Variants in KDM1B observed in about 807,000 individuals in gnomAD.
KDM1B encodes lysine-specific histone demethylase 2.
In KDM1B, 63 loss-of-function variants were observed where a neutral mutation model predicts 107.4. The observed-to-expected ratio is 0.59, with a 90% confidence interval of 0.48 to 0.72. The LOEUF is 0.72. KDM1B is among the 30% of genes least tolerant of loss of function. The pLI is 0.00. For synonymous variants in KDM1B, 363 were observed against 363.9 expected (o/e 1.00, Z 0.03); for missense variants, 749 against 1,020.8 (o/e 0.73, Z 3.63).
intron 7 of KDM1B, among the ~76,000 whole-genome samples, chr6:18,181,438 A>T (rs1786467521): frequency 6.6e-6 from 1 of 152,118 alleles, no homozygotes; most frequent in Non-Finnish European, 1.5e-5. Context: ...GTTTCTAAAA[A>T]CTCTCTAAAA....
intron 6 of KDM1B, 60 bp from the exon 7 acceptor site, chr6:18,171,303 T>C (rs1785648744): frequency 3.5e-6 from 3 of 866,648 alleles, no homozygotes; most frequent in Non-Finnish European, 6.0e-6. Context: ...TGGTGGAGGA[T>C]AGAAATGGTA....
In KDM1B at chr6:18,200,834, A is replaced by G. The variant is rs1380148438; in HGVS notation, c.1359+258A>G. On this transcript the variant is annotated intron_variant, in intron 13 of 21. Coordinates refer to ENST00000650836, the MANE Select transcript of KDM1B (RefSeq NM_001364614.2). The surrounding 1 kb of genome is among the most constrained non-coding windows in gnomAD (Gnocchi z 4.3). ...GGCCACTTGGTTATCTCATAATTTT[A>G]GAGTTGCCAGATTTAGCATATAAAA... Among the ~76,000 whole-genome samples, 1 of 152,146 alleles carries G rather than the reference A, an allele frequency of 6.6e-6. No homozygotes were observed. The highest frequency in any genetic ancestry group is 1.5e-5 in the Non-Finnish European group (1 of 68,026).
At chr6:18,169,920 A>C (rs941429916) in intron 6 of KDM1B, among the ~76,000 whole-genome samples, 2 of 151,696 alleles carry the variant, frequency 1.3e-5, no homozygotes, top group Non-Finnish European at 2.9e-5. Context: ...TTATTTATTT[A>C]TTTTTTTGAG....
chr6:18,185,681 G>C, intron 7 of KDM1B, 91 bp from the exon 8 acceptor site: 1 of 1,133,312 alleles, frequency 8.8e-7, no homozygotes, highest in East Asian at 2.3e-5. Flanking sequence ...CAGCCTGATA[G>C]GTGAAAAGAG....
In KDM1B at chr6:18,214,652, G is replaced by A. The variant is rs1276358399; in HGVS notation, c.2110-355G>A. On this transcript the variant is annotated intron_variant, in intron 19 of 21. Coordinates refer to ENST00000650836, the MANE Select transcript of KDM1B (RefSeq NM_001364614.2). This position sits in a 1 kb window ranked among gnomAD's most constrained non-coding sequence, Gnocchi z 4.4. ...TGGCCGGGTACAGTGGCTCACGCCT[G>A]TAATCCCAGCACTTTGGGAGGCCGA... is the stretch of plus-strand genomic sequence containing the variant. Among the ~76,000 whole-genome samples, 1 of 152,216 alleles carries A rather than the reference G, an allele frequency of 6.6e-6. No individual in the cohort carries two copies. Among genetic ancestry groups the A allele is most frequent in the Non-Finnish European group, 1.5e-5 (1 of 68,028 alleles).
chr6:18,167,967 C>G (rs1442943311), intron 6 of KDM1B, among the ~76,000 whole-genome samples: 1 of 150,030 alleles, frequency 6.7e-6, no homozygotes, highest in Non-Finnish European at 1.5e-5. Context: ...CGATATCTTG[C>G]CCAGGCTGGT....
intron 17 of KDM1B, among the ~76,000 whole-genome samples, chr6:18,210,464 GCT>G (rs987055139): frequency 1.4e-5 from 2 of 147,492 alleles, no homozygotes; most frequent in African/African-American, 5.0e-5. Flanking sequence ...CTTGAGCAGT[GCT>G]CCCACCTCAG....
chr6:18,160,119 CAT>C (rs1784879674), intron 3 of KDM1B, 137 bp downstream of exon 3: 1 of 603,520 alleles, frequency 1.7e-6, no homozygotes, highest in Non-Finnish European at 2.9e-6. Flanking sequence ...TCAGTACGGT[CAT>C]AACACAGTGT....
chr6:18,217,598 C>T (rs545870874), intron 20 of KDM1B, 135 bp from the exon 21 acceptor site: 18 of 628,556 alleles, frequency 2.9e-5, no homozygotes, highest in Admixed American at 1.4e-4. Context: ...AGGATCGTCT[C>T]GATCTCCTGA....
At chr6:18,217,094 A>C (rs533926420) in intron 20 of KDM1B, among the ~76,000 whole-genome samples, 1 of 152,194 alleles carries the variant, frequency 6.6e-6, no homozygotes, top group South Asian at 2.1e-4. Flanking sequence ...CCTTTCTGCT[A>C]CCACACGATG....
chr6:18,184,100 A>T (rs889399803), intron 7 of KDM1B, among the ~76,000 whole-genome samples: 1 of 151,958 alleles, frequency 6.6e-6, no homozygotes, highest in Non-Finnish European at 1.5e-5. Flanking sequence ...CAGAACACAC[A>T]CCAGCCCCTT....
intron 21 of KDM1B, among the ~76,000 whole-genome samples, chr6:18,218,490 T>A (rs933439712): frequency 5.3e-5 from 8 of 152,166 alleles, no homozygotes; most frequent in African/African-American, 1.9e-4. Flanking sequence ...GGTTAAAGAC[T>A]TAGCCCATTT....
At chr6:18,170,003 A>AG (rs11430215) in intron 6 of KDM1B, among the ~76,000 whole-genome samples, 138,049 of 152,070 alleles carry the variant, frequency 0.91, 62,746 homozygotes, top group African/African-American at 0.93. Context: ...TCCACCTCCC[A>AG]GTTCAAGCGA....
At position 18,185,958 on chromosome 6, in the gene KDM1B, A is replaced by T. The variant is rs1330063004; in HGVS notation, c.573+148A>T. 42 of 756,156 alleles carry T rather than the reference A, an allele frequency of 5.6e-5. No individual in the cohort carries two copies. In the East Asian group the frequency reaches 9.4e-4, roughly 17 times the overall value. The allele number at this position is 756,156 out of a possible 1,614,324, so 46.8% of individuals were successfully genotyped here. The stretch of plus-strand genomic sequence containing the variant: ...AATCTAACATGGTAACTATATTATG[A>T]AAATGTTAGCAATAGTGATATTATG... On this transcript the variant is annotated intron_variant, in intron 8 of 21. Transcript: ENST00000650836.
intron 20 of KDM1B, 118 bp from the exon 21 acceptor site, chr6:18,217,615 G>A (rs1789348411): frequency 1.4e-6 from 1 of 723,708 alleles, no homozygotes; most frequent in Non-Finnish European, 2.3e-6. Context: ...CTGACCTTGT[G>A]ATCCACCCGC....
In KDM1B at chr6:18,200,455, C is replaced by G; in HGVS notation, c.1238C>G (p.Ala413Gly). 7 of 1,613,872 alleles carry G rather than the reference C, an allele frequency of 4.3e-6. No homozygotes were observed. Among genetic ancestry groups the G allele is most frequent in the Non-Finnish European group, 5.9e-6 (7 of 1,179,914 alleles). Residue 413 changes from alanine (A) to glycine (G), a missense_variant, in exon 13 of 22, where the codon GCC becomes GGC. Transcript: ENST00000650836. The surrounding 1 kb of genome is among the most constrained non-coding windows in gnomAD (Gnocchi z 4.3). ...TCTTTTTAGGTGACTGTCCTGGAAG[C>G]CAAAGACAGAATTGGAGGCCGAGTC... is the stretch of plus-strand genomic sequence containing the variant. The part of the protein sequence containing the change: ...NFGIKVTVLE[A>G]KDRIGGRVWD...
chr6:18,219,473 C>G (rs1244060192), intron 21 of KDM1B, among the ~76,000 whole-genome samples: 1 of 151,948 alleles, frequency 6.6e-6, no homozygotes. Flanking sequence ...TAAAATCGTC[C>G]AACTCTAATT....
At chr6:18,174,603 C>G (rs1785870838) in intron 7 of KDM1B, among the ~76,000 whole-genome samples, 1 of 151,994 alleles carries the variant, frequency 6.6e-6, no homozygotes, top group Non-Finnish European at 1.5e-5. Flanking sequence ...CCGTTTGTCC[C>G]TAGCCCCCCT....
At chr6:18,199,164 C>T (rs980070786) in intron 12 of KDM1B, among the ~76,000 whole-genome samples, 1 of 152,038 alleles carries the variant, frequency 6.6e-6, no homozygotes, top group African/African-American at 2.4e-5. Flanking sequence ...AGCCACCGCA[C>T]TCCAGTCTGG....
Sources: gnomAD v4.1 joint callset for allele counts (sites outside exome capture counted in the v4.1 genomes callset) on GRCh38, gnomAD v4.1.1 for gene constraint, Gnocchi (gnomAD v3.1) non-coding constraint, MANE v1.5 for transcripts, NCBI Gene and HGNC (gene_info 2026-07-23, HGNC 2026-07-21) for gene names.